CASK: variants seen among roughly 807,000 people sequenced by gnomAD.
The protein encoded by CASK is calcium/calmodulin dependent serine protein kinase, also known as peripheral plasma membrane protein CASK.
Under a neutral mutation model 82.9 loss-of-function variants are expected in CASK, and 4 were observed. The observed-to-expected ratio is 0.05, with a 90% CI of 0.02 to 0.11. The LOEUF is 0.11. Among genes scored for constraint, CASK ranks in the 10% least tolerant of loss-of-function variants. The pLI is 1.00. For synonymous variants in CASK, 259 were observed against 253.5 expected (o/e 1.02, Z -0.20); for missense variants, 358 against 720.9 (o/e 0.50, Z 5.76).
intron 5 of CASK, among the ~76,000 whole-genome samples, chrX:41,702,245 C>T (rs918703667): frequency 2.8e-5 from 3 of 109,050 alleles, no homozygotes; most frequent in Non-Finnish European, 5.7e-5. Context: ...ATTAGCCAGG[C>T]GTGGTGGCGC....
At chrX:41,753,259 A>G (rs1046413319) in intron 3 of CASK, among the ~76,000 whole-genome samples, 3 of 111,449 alleles carry the variant, frequency 2.7e-5, no homozygotes, top group Non-Finnish European at 5.7e-5. Flanking sequence ...CTTTACTTTT[A>G]AAAAAATGAA....
chrX:41,915,845 A>G (rs932404613), intron 1 of CASK, among the ~76,000 whole-genome samples: 1 of 111,151 alleles, frequency 9.0e-6, no homozygotes, highest in East Asian at 2.8e-4. Flanking sequence ...AAAAAAAAAA[A>G]AAAAATTAGC....
intron 1 of CASK, among the ~76,000 whole-genome samples, chrX:41,870,839 AG>A (rs1569473839): frequency 8.9e-6 from 1 of 112,225 alleles, no homozygotes; most frequent in Non-Finnish European, 1.9e-5. Flanking sequence ...CTGTTTGAAG[AG>A]CAGTAAGAAC....
intron 1 of CASK, among the ~76,000 whole-genome samples, chrX:41,884,785 G>A (rs1202943283): frequency 1.8e-5 from 2 of 111,453 alleles, no homozygotes; most frequent in African/African-American, 6.5e-5. Context: ...TGGAGCCTCA[G>A]GAGCCATCTT....
At chrX:41,525,127 T>A (rs1265628181) in intron 25 of CASK, among the ~76,000 whole-genome samples, 1 of 111,527 alleles carries the variant, frequency 9.0e-6, no homozygotes, top group Non-Finnish European at 1.9e-5. Context: ...TCTACCCTGC[T>A]ACTGGAATGA....
chrX:41,527,568 GTT>G (rs762507465), intron 25 of CASK, among the ~76,000 whole-genome samples: 12 of 111,553 alleles, frequency 1.1e-4, no homozygotes, highest in Non-Finnish European at 2.3e-4. Flanking sequence ...AAATCTAAGG[GTT>G]TAGGAAGAGT....
chrX:41,542,704 T>A lies in CASK; in HGVS notation c.2142A>T (p.Ala714=), dbSNP rs1189958976. Residue 714 remains alanine, a synonymous_variant, in exon 22 of 27, where the codon GCA becomes GCT. Coordinates refer to ENST00000378163, the MANE Select transcript of CASK (RefSeq NM_001367721.1). The part of the protein sequence containing the change: ...KKKQYKDKYL[A]KHNAVFDQLD... ...GCTTTTCCCTACCTGCATTGTGCTT[T>A]GCCAAATATTTATCTTTGTACTGCT... The A allele has an allele frequency of 1.7e-6, 2 of 1,199,049 alleles. No individual in the cohort carries two copies. The highest frequency in any genetic ancestry group is 4.3e-5 in the Admixed American group (2 of 46,027).
chrX:41,775,554 T>C (rs1189719678), intron 3 of CASK, among the ~76,000 whole-genome samples: 13 of 105,750 alleles, frequency 1.2e-4, no homozygotes, highest in Non-Finnish European at 2.6e-4. Flanking sequence ...CAAAGGACTA[T>C]AAATCATGCT....
At chrX:41,675,682 T>C (rs896746193) in intron 5 of CASK, 2 of 917,558 alleles carry the variant, frequency 2.2e-6, no homozygotes, top group African/African-American at 3.9e-5. Context: ...ATAAAAAACT[T>C]TGTGGGACAG....
intron 5 of CASK, among the ~76,000 whole-genome samples, chrX:41,703,293 A>G (rs143173861): frequency 0.02 from 2,224 of 112,140 alleles, 24 homozygotes; most frequent in Non-Finnish European, 0.031. Flanking sequence ...ACCCGTATAC[A>G]TCATCCAAAA....
intron 1 of CASK, among the ~76,000 whole-genome samples, chrX:41,879,351 T>C (rs916821419): frequency 5.4e-5 from 6 of 111,644 alleles, no homozygotes; most frequent in African/African-American, 1.9e-4. Flanking sequence ...TTCTGATACA[T>C]ACATACATAC....
chrX:41,861,415 G>A (rs960504965), intron 1 of CASK, among the ~76,000 whole-genome samples: 2 of 110,670 alleles, frequency 1.8e-5, no homozygotes, highest in African/African-American at 6.6e-5. Flanking sequence ...TGTGAAGAAG[G>A]AGATTAGACA....
chrX:41,912,850 T>C (rs2072607335), intron 1 of CASK, among the ~76,000 whole-genome samples: 1 of 105,533 alleles, frequency 9.5e-6, no homozygotes. Context: ...ATATACATAA[T>C]TTATGAAAGT....
At chrX:41,611,680 TCTCTCTCC>T (rs1306844882) in intron 11 of CASK, among the ~76,000 whole-genome samples, 2 of 59,120 alleles carry the variant, frequency 3.4e-5, no homozygotes, top group African/African-American at 1.4e-4. Context: ...CCTCTCCCTC[TCTCTCTCC>T]CTCTCCCTCT....
At chrX:41,915,581 T>A (rs887759157) in intron 1 of CASK, among the ~76,000 whole-genome samples, 4 of 112,209 alleles carry the variant, frequency 3.6e-5, no homozygotes, top group African/African-American at 9.7e-5. Context: ...TTAAATTGTA[T>A]GGCTGGGCAC....
intron 2 of CASK, among the ~76,000 whole-genome samples, chrX:41,829,696 G>A (rs1601877436): frequency 6.1e-5 from 1 of 16,268 alleles, no homozygotes; most frequent in Non-Finnish European, 1.1e-4. Flanking sequence ...TAGGTCACAA[G>A]ATATATATAT....
At chrX:41,643,060 T>A (rs1221247291) in intron 8 of CASK, among the ~76,000 whole-genome samples, 1 of 110,669 alleles carries the variant, frequency 9.0e-6, no homozygotes, top group African/African-American at 3.3e-5. Flanking sequence ...ATGGTTGTAG[T>A]TGTGTGGTAT....
At chrX:41,631,608 A>T (rs2066467246) in intron 9 of CASK, among the ~76,000 whole-genome samples, 2 of 110,368 alleles carry the variant, frequency 1.8e-5, no homozygotes, top group African/African-American at 3.3e-5. Flanking sequence ...AGCTGGGATT[A>T]CAAACATGTG....
At chrX:41,569,572 C>T in intron 16 of CASK, 96 bp downstream of exon 16, 1 of 623,997 alleles carries the variant, frequency 1.6e-6, no homozygotes, top group Non-Finnish European at 2.7e-6. Context: ...TGAGAGACCC[C>T]ATCTCAAAAA....
Sources: allele counts gnomAD v4.1 joint callset (sites outside exome capture counted in the v4.1 genomes callset), GRCh38; gene constraint gnomAD v4.1.1; transcripts MANE v1.5; gene names NCBI Gene and HGNC (gene_info 2026-07-23, HGNC 2026-07-21).